The following COG2 variants were observed in gnomAD, a reference collection of about 807,000 sequenced individuals.
COG2 encodes conserved oligomeric Golgi complex subunit 2.
COG2 carries 52 observed loss-of-function variants against 90.6 expected under a neutral mutation model. That is an observed-to-expected ratio of 0.57 (90% CI 0.46 to 0.72). The LOEUF is 0.72. Among genes scored for constraint, COG2 ranks in the 30% least tolerant of loss-of-function variants. The pLI, the probability that COG2 is intolerant of heterozygous loss-of-function variation, is 0.00. For synonymous variants in COG2, 337 were observed against 320.4 expected, an observed-to-expected ratio of 1.05 and a Z score of -0.55; for missense variants, 829 against 891.2, an observed-to-expected ratio of 0.93 and a Z score of 0.89.
intron 1 of COG2, among the ~76,000 whole-genome samples, chr1:230,652,231 C>T (rs1419401523): frequency 1.3e-5 from 2 of 152,120 alleles, no homozygotes; most frequent in African/African-American, 4.8e-5. Flanking sequence ...TAACCCCAGG[C>T]AACTACGGAT....
chr1:230,659,204 G>A (rs537039337), intron 1 of COG2, among the ~76,000 whole-genome samples: 1 of 152,278 alleles, frequency 6.6e-6, no homozygotes, highest in East Asian at 1.9e-4. Flanking sequence ...GAATTGTGTT[G>A]TTTTGAAAAA....
chr1:230,666,441 A>G (rs1280077592), intron 5 of COG2, among the ~76,000 whole-genome samples: 1 of 151,988 alleles, frequency 6.6e-6, no homozygotes, highest in African/African-American at 2.4e-5. Flanking sequence ...TGGCCTCCTG[A>G]CTGACCTCTC....
chr1:230,688,394 T>C lies in COG2; in HGVS notation c.1652-26T>C, dbSNP rs777803330. 2.5e-6 allele frequency: 4 copies of C among 1,612,852 alleles called. No individual in the cohort carries two copies. The South Asian group carries it at 4.4e-5, about 18-fold the overall frequency. ...TCATGTCTGGGCCTGAGCATGATGA[T>C]TAAATCCAGTCTTTAATCTCAACAG... On this transcript the variant is annotated intron_variant, in intron 14 of 17. Transcript: ENST00000366669.
At chr1:230,689,106 G>T (rs1662960402) in intron 15 of COG2, among the ~76,000 whole-genome samples, 1 of 152,050 alleles carries the variant, frequency 6.6e-6, no homozygotes, top group South Asian at 2.1e-4. Context: ...CGAGGCAGGA[G>T]GATTGCTTAA....
At chr1:230,690,267 C>T (rs1662993551) in intron 16 of COG2, 114 bp downstream of exon 16, 1 of 875,018 alleles carries the variant, frequency 1.1e-6, no homozygotes, top group Admixed American at 2.4e-5. Flanking sequence ...CCTAGCACTT[C>T]TTCACTGGAT....
intron 5 of COG2, among the ~76,000 whole-genome samples, chr1:230,664,941 T>A (rs1222403517): frequency 6.6e-6 from 1 of 152,110 alleles, no homozygotes; most frequent in Non-Finnish European, 1.5e-5. Context: ...AGGCCCAGAG[T>A]ATTCCAGTTG....
intron 10 of COG2, chr1:230,683,143 T>C (rs1197704275): frequency 6.3e-6 from 1 of 159,822 alleles, no homozygotes; most frequent in Non-Finnish European, 1.4e-5. Context: ...CCAACACAGG[T>C]ACAGAATGCA....
chr1:230,650,617 T>C (rs1661892711), intron 1 of COG2, among the ~76,000 whole-genome samples: 3 of 152,198 alleles, frequency 2.0e-5, no homozygotes. Context: ...GTTGCATGTA[T>C]GATTTCCAAA....
rs1031719032 is a variant in COG2 at position 230,664,532 on chromosome 1, G to GA, written c.436dup (p.Ile146AsnfsTer8). 2 of 1,584,038 alleles carry GA rather than the reference G, an allele frequency of 1.3e-6. No individual in the cohort carries two copies. The highest frequency in any genetic ancestry group is 2.7e-5 in the African/African-American group (2 of 73,440). On this transcript the variant is annotated frameshift_variant, in exon 5 of 18. Transcript: ENST00000366669. LOFTEE classifies it high-confidence loss of function. Reference sequence around the variant, plus strand: ...AGTTATTCGGTCAGTTGAGAAAATTGAAAAAATCTTAAACTCTCAAAGTTC... The same window carrying GA: ...AGTTATTCGGTCAGTTGAGAAAATTGAAAAAAATCTTAAACTCTCAAAGTTC...
At chr1:230,677,069 T>G (rs1279345177) in intron 9 of COG2, among the ~76,000 whole-genome samples, 1 of 152,144 alleles carries the variant, frequency 6.6e-6, no homozygotes, top group Non-Finnish European at 1.5e-5. Flanking sequence ...TTTTTATATA[T>G]TATTTCTTCA....
chr1:230,681,440 A>G (rs1447085600), intron 10 of COG2: 1 of 152,188 alleles, frequency 6.6e-6, no homozygotes, highest in Non-Finnish European at 1.5e-5. Context: ...CCTCTCAGAC[A>G]TGTGTATCCA....
intron 5 of COG2, among the ~76,000 whole-genome samples, chr1:230,665,238 C>G (rs1662292807): frequency 6.6e-6 from 1 of 152,018 alleles, no homozygotes. Flanking sequence ...AGCTGGGTAG[C>G]CTGAGTCAGG....
At chr1:230,690,195 G>C in intron 16 of COG2, 42 bp downstream of exon 16, 2 of 1,588,126 alleles carry the variant, frequency 1.3e-6, no homozygotes, top group Non-Finnish European at 1.7e-6. Context: ...TTGCTTAGAA[G>C]AGTCTGCGGC....
intron 1 of COG2, among the ~76,000 whole-genome samples, chr1:230,647,667 C>A (rs1394424483): frequency 6.6e-6 from 1 of 152,166 alleles, no homozygotes; most frequent in African/African-American, 2.4e-5. Flanking sequence ...CACCCCTTCA[C>A]AGATAGCAAA....
intron 1 of COG2, among the ~76,000 whole-genome samples, chr1:230,650,356 A>C (rs1422878926): frequency 6.6e-6 from 1 of 151,900 alleles, no homozygotes; most frequent in African/African-American, 2.4e-5. Flanking sequence ...CCTTTTTCTC[A>C]CATCCAGTGT....
chr1:230,685,031 G>C, intron 11 of COG2, 54 bp from the exon 12 acceptor site: 1 of 1,536,742 alleles, frequency 6.5e-7, no homozygotes, highest in South Asian at 1.1e-5. Context: ...TTAGACTATA[G>C]CCTAAAATTG....
At chr1:230,649,851 AT>A (rs1661870990) in intron 1 of COG2, among the ~76,000 whole-genome samples, 2 of 151,986 alleles carry the variant, frequency 1.3e-5, no homozygotes, top group African/African-American at 2.4e-5. Context: ...CCAATAGATA[AT>A]TTTTCAGCCC....
Position 230,674,871 on chromosome 1 carries a change from A to G in COG2, c.900-127A>G, listed in dbSNP as rs1381621142. ...TCTGGAAACAAACTAAATTACAAAT[A>G]CGGTTTTTTTAAAAAGTTGAAATAA... On this transcript the variant is annotated intron_variant, in intron 8 of 17. Transcript: ENST00000366669. The G allele has an allele frequency of 5.8e-6, 4 of 693,404 alleles. No individual in the cohort carries two copies. In the African/African-American group the frequency reaches 7.4e-5, roughly 13 times the overall value. The allele number at this position is 693,404 out of a possible 1,614,324, so 43.0% of individuals were successfully genotyped here. A position where few individuals can be genotyped will look rare whatever the true frequency, so the allele number is the denominator to read the frequency against.
Position 230,693,496 on chromosome 1 carries a change from GC to G in COG2, c.*104del. The G allele has an allele frequency of 1.5e-6, 1 of 669,440 alleles. No individual in the cohort carries two copies. Among genetic ancestry groups the G allele is most frequent in the South Asian group, 2.0e-5 (1 of 49,190 alleles). 41.5% of individuals were successfully genotyped at this position (669,440 alleles called of 1,614,324 possible). A position where few individuals can be genotyped will look rare whatever the true frequency, so the allele number is the denominator to read the frequency against. ...TCTGTTCTCTTAGCAACCGTCTGTAGCAAAGAAGTGCTTCCAGCATCACTCC... is the reference window on the plus strand; with the variant it reads ...TCTGTTCTCTTAGCAACCGTCTGTAGAAAGAAGTGCTTCCAGCATCACTCC... On this transcript the variant is annotated 3_prime_UTR_variant, in exon 18 of 18. Transcript: ENST00000366669.
Sources: allele counts gnomAD v4.1 joint callset (sites outside exome capture counted in the v4.1 genomes callset), GRCh38; gene constraint gnomAD v4.1.1; transcripts MANE v1.5; gene names NCBI Gene and HGNC (gene_info 2026-07-23, HGNC 2026-07-21).